ZNF324B: variants seen among roughly 807,000 people sequenced by gnomAD.
ZNF324B encodes zinc finger protein 324B.
Under a neutral mutation model 10.6 loss-of-function variants are expected in ZNF324B, and 7 were observed. The ratio of observed to expected loss-of-function variants is 0.66; its 90% CI spans 0.38 to 1.24. The LOEUF (loss-of-function observed/expected upper bound fraction) is 1.24, where lower values mean the gene tolerates loss of function less well. Among genes scored for constraint, ZNF324B ranks in the 50% most tolerant of loss-of-function variants. ZNF324B has a pLI of 0.02. For missense variants in ZNF324B, 640 were observed against 764.7 expected (o/e 0.84, Z 1.92); for synonymous variants, 316 against 321.0 (o/e 0.98, Z 0.17).
chr19:58,453,006 C>T (rs919102671), intron 1 of ZNF324B, among the ~76,000 whole-genome samples: 6 of 151,764 alleles, frequency 4.0e-5, no homozygotes, highest in African/African-American at 9.7e-5. Flanking sequence ...ACCCGGGAGC[C>T]GGAGCTTGCA....
intron 1 of ZNF324B, among the ~76,000 whole-genome samples, chr19:58,453,476 G>C (rs2052881884): frequency 6.6e-6 from 1 of 152,190 alleles, no homozygotes; most frequent in Non-Finnish European, 1.5e-5. Context: ...TTGTGTAGGG[G>C]TGGCCAGTGG....
chr19:58,431,885 G>T, the ZNF324B span, among the ~76,000 whole-genome samples: 26,401 of 151,990 alleles, frequency 0.17, 2,531 homozygotes, highest in Non-Finnish European at 0.21. Flanking sequence ...CCAGCTACTC[G>T]GGAGGCTGAG....
At position 58,455,870 on chromosome 19, in the gene ZNF324B, G is replaced by A. The variant is rs994450409; in HGVS notation, c.926G>A (p.Gly309Asp). 3 of 1,609,158 alleles carry A rather than the reference G, an allele frequency of 1.9e-6. No individual in the cohort carries two copies. The highest frequency in any genetic ancestry group is 2.7e-5 in the African/African-American group (2 of 74,968). The change falls in exon 4 of 4, where the codon GGC (glycine) becomes GAC (aspartate). Residue 309 changes from glycine to aspartate, a missense_variant. Physicochemically the swap from Gly to Asp is moderately conservative, Grantham distance 94 (BLOSUM62 -1). Transcript: ENST00000336614. This position sits in a 1 kb window ranked among gnomAD's most constrained non-coding sequence, Gnocchi z 7.0. ...HLTQHQRIHS[G>D]ETPYACPVCG... The stretch of plus-strand genomic sequence containing the variant: ...ACGCAGCACCAGCGCATCCACAGCG[G>A]CGAGACGCCCTACGCGTGCCCCGTG...
At chr19:58,454,525 A>G (rs774077012) in intron 3 of ZNF324B, 181 bp downstream of exon 3, 6 of 597,864 alleles carry the variant, frequency 1.0e-5, no homozygotes, top group Non-Finnish European at 1.8e-5. Flanking sequence ...GGAGAGCTCC[A>G]AGGGCACAGG....
At chr19:58,440,093 T>A in the ZNF324B span, 2 of 482,790 alleles carry the variant, frequency 4.1e-6, no homozygotes, top group Non-Finnish European at 7.3e-6. Context: ...TCCCGTGCCC[T>A]GGTGTGGCTC....
the ZNF324B span, chr19:58,433,945 G>T: frequency 6.2e-7 from 1 of 1,614,144 alleles, no homozygotes; most frequent in Admixed American, 1.7e-5. Context: ...GATGAGGGTG[G>T]AGCTATTACT....
the ZNF324B span, chr19:58,433,780 C>G: frequency 6.2e-7 from 1 of 1,614,196 alleles, no homozygotes; most frequent in Non-Finnish European, 8.5e-7. Context: ...GAGAGTGGAG[C>G]TGTGAGCAAA....
the ZNF324B span, chr19:58,442,656 G>C: frequency 4.6e-5 from 7 of 152,356 alleles, no homozygotes; most frequent in Admixed American, 3.3e-4. Flanking sequence ...ATTCCTCCTG[G>C]TGGGTTCGTG....
the ZNF324B span, chr19:58,435,239 A>G: frequency 6.3e-7 from 1 of 1,587,694 alleles, no homozygotes; most frequent in Admixed American, 1.8e-5. Context: ...CCAGTTAACT[A>G]AGAATTCCAC....
the ZNF324B span, among the ~76,000 whole-genome samples, chr19:58,421,127 GTGGCAAACTGCCATGGCAA>G: frequency 6.6e-6 from 1 of 152,036 alleles, no homozygotes; most frequent in Admixed American, 6.6e-5. Context: ...TGCCAAGGCA[GTGGCAAACTGCCATGGCAA>G]TGGCGGGCCT....
At chr19:58,435,100 G>C in the ZNF324B span, 4 of 1,614,198 alleles carry the variant, frequency 2.5e-6, no homozygotes, top group Non-Finnish European at 1.7e-6. Context: ...CATGTCACAG[G>C]AGTTAGCTTT....
the ZNF324B span, chr19:58,435,155 C>G: frequency 6.2e-7 from 1 of 1,614,178 alleles, no homozygotes; most frequent in Non-Finnish European, 8.5e-7. Flanking sequence ...TGTAACACTT[C>G]TACAGAAACA....
chr19:58,456,787 G>T lies in ZNF324B; in HGVS notation c.*208G>T, dbSNP rs193050170. The T allele has an allele frequency of 4.5e-5, 28 of 628,914 alleles. No individual in the cohort carries two copies. The East Asian group carries it at 7.7e-4, about 17-fold the overall frequency. The allele number at this position is 628,914 out of a possible 1,614,324, so 39.0% of individuals were successfully genotyped here. On this transcript the variant is annotated 3_prime_UTR_variant, in exon 4 of 4. Coordinates refer to ENST00000336614, the MANE Select transcript of ZNF324B (RefSeq NM_207395.3). The surrounding 1 kb of genome is among the most constrained non-coding windows in gnomAD (Gnocchi z 4.7). Reference sequence around the variant, plus strand: ...AGCTCACACCTCCATCCTCAAAGAGGTAACACTGCAGAAACATCAGAGGGA... The same window carrying T: ...AGCTCACACCTCCATCCTCAAAGAGTTAACACTGCAGAAACATCAGAGGGA...
At chr19:58,442,190 C>G in the ZNF324B span, 1 of 75,018 alleles carries the variant, frequency 1.3e-5, no homozygotes. Context: ...GAGACGGAGT[C>G]TCGCTCTGTC....
the ZNF324B span, chr19:58,434,167 G>T: frequency 1.2e-6 from 2 of 1,614,134 alleles, no homozygotes; most frequent in African/African-American, 1.3e-5. Context: ...TCTTTCTCCA[G>T]TGTGAACTCT....
At chr19:58,435,002 C>T in the ZNF324B span, 1 of 1,614,170 alleles carries the variant, frequency 6.2e-7, no homozygotes. Context: ...AAGTCTCTCC[C>T]ACATGCTCCA....
chr19:58,456,768 C>T lies in ZNF324B; in HGVS notation c.*189C>T. 1.5e-6 allele frequency: 1 copy of T among 660,504 alleles called. No homozygotes were observed. The highest frequency in any genetic ancestry group is 2.5e-6 in the Non-Finnish European group (1 of 392,698). 40.9% of individuals were successfully genotyped at this position (660,504 alleles called of 1,614,324 possible). A position where few individuals can be genotyped will look rare whatever the true frequency, so the allele number is the denominator to read the frequency against. On this transcript the variant is annotated 3_prime_UTR_variant, in exon 4 of 4. Coordinates refer to ENST00000336614, the MANE Select transcript of ZNF324B (RefSeq NM_207395.3). The surrounding 1 kb of genome is among the most constrained non-coding windows in gnomAD (Gnocchi z 4.7). ...GATTTGCCAGTTTAGTCATAGCTCACACCTCCATCCTCAAAGAGGTAACAC... is the reference window on the plus strand; with the variant it reads ...GATTTGCCAGTTTAGTCATAGCTCATACCTCCATCCTCAAAGAGGTAACAC...
chr19:58,433,728 C>T, the ZNF324B span: 4 of 1,613,888 alleles, frequency 2.5e-6, no homozygotes, highest in African/African-American at 4.0e-5. Flanking sequence ...ATTCATTGCA[C>T]TCATAAGGCC....
chr19:58,425,626 C>T, the ZNF324B span, among the ~76,000 whole-genome samples: 6 of 151,848 alleles, frequency 4.0e-5, no homozygotes, highest in East Asian at 3.9e-4. Flanking sequence ...GCCACCACCA[C>T]GCCTGGCTAA....
Sources: gnomAD v4.1 joint callset for allele counts (sites outside exome capture counted in the v4.1 genomes callset) on GRCh38, gnomAD v4.1.1 for gene constraint, Gnocchi (gnomAD v3.1) non-coding constraint, MANE v1.5 for transcripts, NCBI Gene and HGNC (gene_info 2026-07-23, HGNC 2026-07-21) for gene names.